Variants in NRXN3 observed in about 807,000 individuals in gnomAD.
NRXN3 encodes neurexin III.
NRXN3 carries 32 observed loss-of-function variants against 137.6 expected under a neutral mutation model. The ratio of observed to expected loss-of-function variants is 0.23; its 90% CI spans 0.18 to 0.31. The LOEUF is 0.31. Among genes scored for constraint, NRXN3 ranks in the 10% least tolerant of loss-of-function variants. NRXN3 has a pLI of 1.00. For missense variants in NRXN3, 1,574 were observed against 2,062.5 expected (o/e 0.76, Z 4.59); for synonymous variants, 798 against 784.5 (o/e 1.02, Z -0.29).
Position 78,758,762 on chromosome 14 carries a change from A to C in NRXN3, c.2044+43623A>C, listed in dbSNP as rs984236453. On this transcript the variant is annotated intron_variant, in intron 8 of 20. Coordinates refer to ENST00000335750, the MANE Select transcript of NRXN3 (RefSeq NM_001330195.2). ...TTATACCTCTAGGGTTTACTTTGTC[A>C]TTCTGTCCTTTTATGGTTTATTTCA... 5.3e-5 allele frequency among the ~76,000 whole-genome samples: 8 copies of C among 152,126 alleles called. No homozygotes were observed. The East Asian group carries it at 1.5e-3, about 29-fold the overall frequency.
At chr14:79,275,441 CAGGT>C (rs1433574187) in intron 15 of NRXN3, among the ~76,000 whole-genome samples, 8 of 152,124 alleles carry the variant, frequency 5.3e-5, no homozygotes, top group Non-Finnish European at 1.2e-4. Context: ...AACAACTTGA[CAGGT>C]AGCTCCTGCT....
In NRXN3 at chr14:78,662,275, A is replaced by G. The variant is rs561597723; in HGVS notation, c.1221+10949A>G. Among the ~76,000 whole-genome samples, 4 of 152,198 alleles carry G rather than the reference A, an allele frequency of 2.6e-5. No individual in the cohort carries two copies. In the South Asian group the frequency reaches 8.3e-4, roughly 32 times the overall value. On this transcript the variant is annotated intron_variant, in intron 6 of 20. Coordinates refer to ENST00000335750, the MANE Select transcript of NRXN3 (RefSeq NM_001330195.2). The stretch of plus-strand genomic sequence containing the variant: ...AAAAAACTAAGGCATTCAAGATCCT[A>G]ACAACGTTAAGAAGGCTTAACTAAT...
chr14:79,445,966 G>A (rs564490592), intron 15 of NRXN3, among the ~76,000 whole-genome samples: 25 of 152,186 alleles, frequency 1.6e-4, no homozygotes, highest in Admixed American at 3.9e-4. Context: ...TATTTTTAGG[G>A]GCAGGCCTCC....
At chr14:78,252,093 T>A (rs1212795258) in intron 2 of NRXN3, among the ~76,000 whole-genome samples, 1 of 152,176 alleles carries the variant, frequency 6.6e-6, no homozygotes. Flanking sequence ...ATCGTCTATA[T>A]CCGCTCTCAA....
chr14:78,818,660 A>G (rs142191328), intron 10 of NRXN3, among the ~76,000 whole-genome samples: 4 of 152,282 alleles, frequency 2.6e-5, no homozygotes, highest in Non-Finnish European at 5.9e-5. Context: ...TAAATATTGC[A>G]TGTTGTCATT....
At chr14:78,377,482 A>G (rs2088107769) in intron 4 of NRXN3, among the ~76,000 whole-genome samples, 2 of 152,230 alleles carry the variant, frequency 1.3e-5, no homozygotes, top group East Asian at 3.8e-4. Context: ...CAAAATTGGT[A>G]ATAGGTAATT....
At chr14:79,793,731 A>G (rs2099152684) in intron 19 of NRXN3, among the ~76,000 whole-genome samples, 1 of 152,210 alleles carries the variant, frequency 6.6e-6, no homozygotes, top group Non-Finnish European at 1.5e-5. Context: ...TTTATTTGCT[A>G]TTGAATGACA....
chr14:79,516,861 A>G (rs531585440), intron 16 of NRXN3, among the ~76,000 whole-genome samples: 3 of 152,238 alleles, frequency 2.0e-5, no homozygotes, highest in African/African-American at 7.2e-5. Context: ...CAGCTCTGTC[A>G]TATTTCATTG....
chr14:78,503,273 G>A (rs1162938445), intron 4 of NRXN3, among the ~76,000 whole-genome samples: 1 of 152,120 alleles, frequency 6.6e-6, no homozygotes, highest in African/African-American at 2.4e-5. Context: ...AATAAAGCGA[G>A]GCTTGGTTGC....
intron 15 of NRXN3, among the ~76,000 whole-genome samples, chr14:79,010,119 T>G (rs1255931973): frequency 1.3e-5 from 2 of 152,218 alleles, no homozygotes; most frequent in African/African-American, 4.8e-5. Context: ...TATCAGCTCC[T>G]TCAATACTTC....
At chr14:78,290,481 G>A (rs1308650418) in intron 3 of NRXN3, among the ~76,000 whole-genome samples, 1 of 152,116 alleles carries the variant, frequency 6.6e-6, no homozygotes, top group Non-Finnish European at 1.5e-5. Context: ...GGAAGGGCTG[G>A]TCTGAGACAA....
chr14:79,198,185 C>T (rs2065400993), intron 15 of NRXN3, among the ~76,000 whole-genome samples: 1 of 152,184 alleles, frequency 6.6e-6, no homozygotes, highest in Non-Finnish European at 1.5e-5. Context: ...GAAATGGAAG[C>T]ATGTTCTCCT....
intron 2 of NRXN3, among the ~76,000 whole-genome samples, chr14:78,256,967 C>T (rs1274857746): frequency 2.6e-5 from 4 of 152,188 alleles, no homozygotes; most frequent in African/African-American, 9.7e-5. Context: ...ATACCTAAGG[C>T]ATTCCTGCTG....
chr14:79,768,625 A>G (rs2099065138), intron 19 of NRXN3, among the ~76,000 whole-genome samples: 2 of 152,194 alleles, frequency 1.3e-5, no homozygotes, highest in African/African-American at 4.8e-5. Flanking sequence ...CCATCTGTAC[A>G]TCACCATCAT....
chr14:79,156,180 A>G (rs936336416), intron 15 of NRXN3, among the ~76,000 whole-genome samples: 3 of 151,828 alleles, frequency 2.0e-5, no homozygotes, highest in African/African-American at 4.8e-5. Flanking sequence ...AACCCTCACA[A>G]CTGCTCCATA....
chr14:78,749,014 CT>C (rs888544739), intron 8 of NRXN3, among the ~76,000 whole-genome samples: 3 of 151,950 alleles, frequency 2.0e-5, no homozygotes, highest in African/African-American at 7.3e-5. Context: ...TCAGAAATGC[CT>C]TTTTTTTCTG....
chr14:79,156,008 A>T lies in NRXN3; in HGVS notation c.3262+167867A>T, dbSNP rs888622912. ...TATATCTTTTACATTTATTTTAAAA[A>T]TCTCTCTCTTCCCTCACTTCTTCAT... On this transcript the variant is annotated intron_variant, in intron 15 of 20. Transcript: ENST00000335750. 2.0e-5 allele frequency among the ~76,000 whole-genome samples: 3 copies of T among 151,950 alleles called. No homozygotes were observed. In the East Asian group the frequency reaches 5.8e-4, roughly 30 times the overall value.
Position 78,487,774 on chromosome 14 carries a change from A to G in NRXN3, c.758-157346A>G, listed in dbSNP as rs1335102655. ...AAATAAATAAATAAATAAATAAATA[A>G]ATAAATAAATAAATAAAGATAGATT... On this transcript the variant is annotated intron_variant, in intron 4 of 20. Coordinates refer to ENST00000335750, the MANE Select transcript of NRXN3 (RefSeq NM_001330195.2). Among the ~76,000 whole-genome samples, 21 of 151,586 alleles carry G rather than the reference A, an allele frequency of 1.4e-4. No homozygotes were observed. In the East Asian group the frequency reaches 3.9e-3, roughly 28 times the overall value.
intron 16 of NRXN3, among the ~76,000 whole-genome samples, chr14:79,576,054 G>C (rs928708570): frequency 3.9e-5 from 6 of 152,180 alleles, no homozygotes; most frequent in African/African-American, 1.4e-4. Flanking sequence ...ATTTCAAGGG[G>C]TGTGCAAAAG....
Sources: gnomAD v4.1 joint callset for allele counts (sites outside exome capture counted in the v4.1 genomes callset) on GRCh38, gnomAD v4.1.1 for gene constraint, MANE v1.5 for transcripts, NCBI Gene and HGNC (gene_info 2026-07-23, HGNC 2026-07-21) for gene names.